The following BOD1L1 variants were observed in gnomAD, a reference collection of about 807,000 sequenced individuals.
BOD1L1 encodes the protein biorientation of chromosomes in cell division protein 1-like 1.
A neutral mutation model predicts 240.7 loss-of-function variants in BOD1L1; 86 were observed. That is an observed-to-expected ratio of 0.36 (90% CI 0.30 to 0.43). The LOEUF is 0.43. BOD1L1 is among the 20% of genes least tolerant of loss of function. The pLI, the probability that BOD1L1 is intolerant of heterozygous loss-of-function variation, is 1.00. For missense variants in BOD1L1, 3,554 were observed against 3,643.5 expected (o/e 0.98, Z 0.63); for synonymous variants, 1,268 against 1,272.3 (o/e 1.00, Z 0.07).
chr4:13,572,131 G>A (rs1257821261), intron 25 of BOD1L1, among the ~76,000 whole-genome samples: 1 of 152,206 alleles, frequency 6.6e-6, no homozygotes, highest in Non-Finnish European at 1.5e-5. Context: ...GGCATCTCAA[G>A]TGCCCAGTAC....
In BOD1L1 at chr4:13,615,453, C is replaced by G. The variant is rs1716513743; in HGVS notation, c.418G>C (p.Asp140His). The change falls in exon 3 of 26, where the codon GAC becomes CAC. Residue 140 changes from aspartate to histidine, a missense_variant. By Grantham distance (81) the Asp-to-His change is moderately conservative. Coordinates refer to ENST00000040738, the MANE Select transcript of BOD1L1 (RefSeq NM_148894.3). Reference protein sequence around the residue: ...GIDRIISQVVDPKINHTFRPQ... With the variant: ...GIDRIISQVVHPKINHTFRPQ... ...CTGAATGTGTGGTTGATCTTTGGGT[C>G]CACAACCTGAGAAATAATTCGGTCA... 1 of 1,612,860 alleles carries G rather than the reference C, an allele frequency of 6.2e-7. No individual in the cohort carries two copies. The highest frequency in any genetic ancestry group is 8.5e-7 in the Non-Finnish European group (1 of 1,179,362).
In BOD1L1 at chr4:13,573,046, G is replaced by A. The variant is rs77245138; in HGVS notation, c.9039-2918C>T. ...CCTCTGCTTGTGTGACACTATCTTTGTTCTTACTGTGCATGATATTTTATT... is the reference window on the plus strand; with the variant it reads ...CCTCTGCTTGTGTGACACTATCTTTATTCTTACTGTGCATGATATTTTATT... On this transcript the variant is annotated intron_variant, in intron 25 of 25. Transcript: ENST00000040738. 5.1e-3 allele frequency among the ~76,000 whole-genome samples: 772 copies of A among 152,148 alleles called. 10 individuals carry two copies. The highest frequency in any genetic ancestry group is 0.018 in the African/African-American group (730 of 41,492).
At chr4:13,581,314 T>A in intron 19 of BOD1L1, 107 bp from the exon 20 acceptor site, 2 of 741,788 alleles carry the variant, frequency 2.7e-6, no homozygotes, top group Non-Finnish European at 4.3e-6. Flanking sequence ...CTAAGAGACC[T>A]CAAATCCTAG....
In BOD1L1 at chr4:13,582,246, T is replaced by C. The variant is rs1302574756; in HGVS notation, c.8583A>G (p.Lys2861=). 21 of 1,612,530 alleles carry C rather than the reference T, an allele frequency of 1.3e-5. No homozygotes were observed. Among genetic ancestry groups the C allele is most frequent in the Non-Finnish European group, 1.7e-5 (20 of 1,179,028 alleles). Residue 2861 remains lysine (K), a synonymous_variant, in exon 19 of 26, where the codon AAA becomes AAG. Transcript: ENST00000040738. ...GAAAAGCACATCTCACCTCCTGAGA[T>C]TTTATGGTGTCATCATCGTTCTGCT... ...KPEQNDDDTI[K]SQEEDQPIII...
chr4:13,572,996 T>G (rs1457923832), intron 25 of BOD1L1, among the ~76,000 whole-genome samples: 1 of 152,180 alleles, frequency 6.6e-6, no homozygotes, highest in Non-Finnish European at 1.5e-5. Context: ...TGCTGATAAG[T>G]CGATCTTAAT....
Position 13,608,584 on chromosome 4 carries a change from C to A in BOD1L1, c.1688G>T (p.Arg563Leu), listed in dbSNP as rs547121017. ...GGCTACTTTTTTTTCTAAAACTTTC[C>A]GTTCTTTAAGGACTTCTTTAATTCT... ...AARIKEVLKE[R>L]KVLEKKVALS... Residue 563 changes from arginine (R) to leucine (L), a missense_variant, in exon 8 of 26, where the codon CGG (arginine) becomes CTG (leucine). Transcript: ENST00000040738. 6.5e-7 allele frequency: 1 copy of A among 1,544,292 alleles called. No homozygotes were observed. The highest frequency in any genetic ancestry group is 2.4e-5 in the East Asian group (1 of 42,106).
chr4:13,594,843 C>T lies in BOD1L1; in HGVS notation c.8104+1017G>A, dbSNP rs368848579. ...CAGGGAGTCAGAGGTTGCAGTGAGC[C>T]GAGATCACGCCACTGTACTCCAACC... On this transcript the variant is annotated intron_variant, in intron 12 of 25. Coordinates refer to ENST00000040738, the MANE Select transcript of BOD1L1 (RefSeq NM_148894.3). Among the ~76,000 whole-genome samples, 100 of 152,166 alleles carry T rather than the reference C, an allele frequency of 6.6e-4. 2 individuals are homozygous for T. The East Asian group carries it at 0.011, about 16-fold the overall frequency.
intron 12 of BOD1L1, among the ~76,000 whole-genome samples, chr4:13,594,000 T>C (rs980760727): frequency 6.6e-6 from 1 of 152,184 alleles, no homozygotes; most frequent in Non-Finnish European, 1.5e-5. Context: ...CCAGGAATGG[T>C]AAGCCAAAGC....
intron 2 of BOD1L1, among the ~76,000 whole-genome samples, chr4:13,618,271 A>T (rs1405632464): frequency 6.6e-6 from 1 of 152,242 alleles, no homozygotes; most frequent in Non-Finnish European, 1.5e-5. Flanking sequence ...CTCCCAAAAA[A>T]ACATGCTTTT....
In BOD1L1 at chr4:13,569,906, C is replaced by T. The variant is rs757557330; in HGVS notation, c.*105G>A. The T allele has an allele frequency of 1.4e-4, 101 of 728,894 alleles. No homozygotes were observed. In the African/African-American group the frequency reaches 1.7e-3, roughly 13 times the overall value. 45.2% of individuals were successfully genotyped at this position (728,894 alleles called of 1,614,324 possible). A position where few individuals can be genotyped will look rare whatever the true frequency, so the allele number is the denominator to read the frequency against. The stretch of plus-strand genomic sequence containing the variant: ...AGCTTGCACCTAGGGACTTACAGCA[C>T]ATGCATATCTTTTTCCTGGTTAAAG... On this transcript the variant is annotated 3_prime_UTR_variant, in exon 26 of 26. Coordinates refer to ENST00000040738, the MANE Select transcript of BOD1L1 (RefSeq NM_148894.3).
intron 1 of BOD1L1, chr4:13,625,546 T>G (rs1374645092): frequency 1.3e-5 from 2 of 152,190 alleles, no homozygotes; most frequent in African/African-American, 4.8e-5. Flanking sequence ...AGCAGTACAT[T>G]ACAATTTTTA....
Position 13,620,008 on chromosome 4 carries a change from A to G in BOD1L1, c.303T>C (p.Thr101=), listed in dbSNP as rs1380351474. Residue 101 remains threonine, a synonymous_variant, in exon 2 of 26, where the codon ACT becomes ACC. Coordinates refer to ENST00000040738, the MANE Select transcript of BOD1L1 (RefSeq NM_148894.3). ...VDNFVANHLA[T]HTWSPHLNKN... The stretch of plus-strand genomic sequence containing the variant: ...TATTGAGATGCGGACTCCATGTGTG[A>G]GTTGCCAAGTGATTTGCAACAAAGT... The G allele has an allele frequency of 6.2e-7, 1 of 1,607,866 alleles. No individual in the cohort carries two copies. The highest frequency in any genetic ancestry group is 8.5e-7 in the Non-Finnish European group (1 of 1,176,770).
At position 13,569,420 on chromosome 4, in the gene BOD1L1, T is replaced by C. The variant is rs1375074468; in HGVS notation, c.*591A>G. On this transcript the variant is annotated 3_prime_UTR_variant, in exon 26 of 26. Transcript: ENST00000040738. Reference sequence around the variant, plus strand: ...AGCTAAACTACTTTACTTGGATACATGCGAGTTTCTGCCAGATCATATTAA... The same window carrying C: ...AGCTAAACTACTTTACTTGGATACACGCGAGTTTCTGCCAGATCATATTAA... 6.6e-6 allele frequency: 1 copy of C among 152,202 alleles called. No homozygotes were observed. The highest frequency in any genetic ancestry group is 2.4e-5 in the African/African-American group (1 of 41,442). The allele number at this position is 152,202 out of a possible 1,614,324, so 9.4% of individuals were successfully genotyped here.
chr4:13,580,895 G>T, intron 21 of BOD1L1, 125 bp downstream of exon 21: 1 of 817,516 alleles, frequency 1.2e-6, no homozygotes, highest in Non-Finnish European at 1.9e-6. Flanking sequence ...ATATATGAAT[G>T]GTTACTCAGT....
chr4:13,578,688 C>G (rs1018616797), intron 22 of BOD1L1, among the ~76,000 whole-genome samples: 4 of 152,138 alleles, frequency 2.6e-5, no homozygotes, highest in Admixed American at 2.0e-4. Flanking sequence ...GCTGAGATTA[C>G]AGGTGTGAGC....
intron 18 of BOD1L1, 150 bp from the exon 19 acceptor site, chr4:13,582,460 G>A: frequency 2.7e-6 from 2 of 727,908 alleles, no homozygotes; most frequent in African/African-American, 1.8e-5. Context: ...CTGAGTTTGG[G>A]TGACTAGTAA....
At chr4:13,593,308 C>G (rs775516346) in intron 12 of BOD1L1, 2 of 151,966 alleles carry the variant, frequency 1.3e-5, no homozygotes, top group Non-Finnish European at 2.9e-5. Flanking sequence ...CGTTGCAGCC[C>G]TGTAACAGTA....
At position 13,600,976 on chromosome 4, in the gene BOD1L1, C is replaced by A. The variant is rs752585922; in HGVS notation, c.5924G>T (p.Cys1975Phe). Residue 1975 changes from cysteine to phenylalanine, a missense_variant, in exon 10 of 26, where the codon TGT becomes TTT. This residue lies in a region of BOD1L1 where 3,393 missense variants were observed against 3,427.1 expected (regional missense o/e 0.99). Transcript: ENST00000040738. ...KDEVTPVPGG[C>F]EGPMTSAASD... ...TGCAGCACTAGTCATAGGACCCTCA[C>A]AACCTCCTGGAACTGGTGTCACTTC... The A allele has an allele frequency of 6.2e-7, 1 of 1,613,926 alleles. No homozygotes were observed. Among genetic ancestry groups the A allele is most frequent in the East Asian group, 2.2e-5 (1 of 44,854 alleles).
intron 3 of BOD1L1, 133 bp downstream of exon 3, chr4:13,615,179 T>C: frequency 1.1e-6 from 1 of 906,324 alleles, no homozygotes; most frequent in East Asian, 2.6e-5. Flanking sequence ...TTGAGGAATT[T>C]AGGTGATATT....
Sources: allele counts gnomAD v4.1 joint callset (sites outside exome capture counted in the v4.1 genomes callset), GRCh38; gene constraint gnomAD v4.1.1; regional missense constraint gnomAD v4.1.1; transcripts MANE v1.5; gene names NCBI Gene and HGNC (gene_info 2026-07-23, HGNC 2026-07-21).